TMEM232: variants seen among roughly 807,000 people sequenced by gnomAD.
The protein encoded by TMEM232 is transmembrane protein 232.
TMEM232 carries 80 observed loss-of-function variants against 78.8 expected under a neutral mutation model. The ratio of observed to expected loss-of-function variants is 1.01; its 90% CI spans 0.85 to 1.22. The LOEUF (loss-of-function observed/expected upper bound fraction) is 1.22. Among genes scored for constraint, TMEM232 ranks in the 50% most tolerant of loss-of-function variants. The probability of loss-of-function intolerance (pLI) is 0.00; values close to 1 mark genes in which losing one functional copy is unlikely to be tolerated. For synonymous variants in TMEM232, 297 were observed against 254.3 expected, an observed-to-expected ratio of 1.17 and a Z score of -1.60; for missense variants, 881 against 742.2, an observed-to-expected ratio of 1.19 and a Z score of -2.17.
At chr5:110,700,720 T>C in intron 1 of TMEM232, among the ~76,000 whole-genome samples, 1 of 151,628 alleles carries the variant, frequency 6.6e-6, no homozygotes, top group Non-Finnish European at 1.5e-5. Flanking sequence ...AGTCATAATC[T>C]GGGGGAAGTG....
At chr5:110,551,871 C>T (rs926352990) in intron 11 of TMEM232, among the ~76,000 whole-genome samples, 2 of 151,880 alleles carry the variant, frequency 1.3e-5, no homozygotes, top group African/African-American at 2.4e-5. Context: ...AATATGTCAA[C>T]CTAGAATTCT....
At chr5:110,738,892 A>C, upstream of TMEM232, 2 of 1,126,060 alleles carry the variant, frequency 1.8e-6, no homozygotes, top group Non-Finnish European at 2.4e-6. Context: ...CAAACTTTTA[A>C]GGTCCAGGTT....
upstream of TMEM232, among the ~76,000 whole-genome samples, chr5:110,730,380 G>C (rs549551557): frequency 1.2e-4 from 19 of 152,308 alleles, no homozygotes; most frequent in Middle Eastern, 3.4e-3. Flanking sequence ...CAACTTTCTA[G>C]ATGACAATTT....
intron 1 of TMEM232, among the ~76,000 whole-genome samples, chr5:110,670,657 T>C (rs911013450): frequency 6.6e-6 from 1 of 152,022 alleles, no homozygotes; most frequent in Non-Finnish European, 1.5e-5. Flanking sequence ...CTGAGCTATA[T>C]AGAGGAGTGC....
intron 1 of TMEM232, among the ~76,000 whole-genome samples, chr5:110,687,871 C>T (rs1793622131): frequency 6.6e-6 from 1 of 151,966 alleles, no homozygotes; most frequent in Admixed American, 6.6e-5. Context: ...TAGAAAACAC[C>T]ATTTGGAAAT....
chr5:110,651,706 G>A (rs1788331257), intron 2 of TMEM232, among the ~76,000 whole-genome samples: 1 of 152,012 alleles, frequency 6.6e-6, no homozygotes, highest in African/African-American at 2.4e-5. Flanking sequence ...CAGAAACAGG[G>A]GCACCAGCAG....
chr5:110,529,649 T>C (rs1363097733), intron 11 of TMEM232, among the ~76,000 whole-genome samples: 1 of 152,126 alleles, frequency 6.6e-6, no homozygotes, highest in African/African-American at 2.4e-5. Flanking sequence ...TTTGATTAAA[T>C]TGAATATGTT....
At chr5:110,651,356 T>C (rs1788274411) in intron 2 of TMEM232, among the ~76,000 whole-genome samples, 1 of 150,628 alleles carries the variant, frequency 6.6e-6, no homozygotes, top group Admixed American at 6.6e-5. Flanking sequence ...ACATTTGAGT[T>C]GAAATGAGAA....
At chr5:110,451,172 C>G (rs1760234212) in intron 12 of TMEM232, among the ~76,000 whole-genome samples, 1 of 152,186 alleles carries the variant, frequency 6.6e-6, no homozygotes, top group African/African-American at 2.4e-5. Flanking sequence ...ATCATCTTCT[C>G]TGTTTCCTCA....
chr5:110,472,787 T>G (rs1762822881), intron 12 of TMEM232, among the ~76,000 whole-genome samples: 1 of 151,912 alleles, frequency 6.6e-6, no homozygotes, highest in African/African-American at 2.4e-5. Context: ...TAAGCCAACT[T>G]ATTTTTGCCA....
At chr5:110,422,418 G>C (rs1756749252) in intron 13 of TMEM232, among the ~76,000 whole-genome samples, 2 of 150,316 alleles carry the variant, frequency 1.3e-5, no homozygotes, top group African/African-American at 2.5e-5. Context: ...TACTCGGGAG[G>C]CTGAGGCAGG....
At chr5:110,537,763 A>G (rs1772582172) in intron 11 of TMEM232, among the ~76,000 whole-genome samples, 1 of 152,246 alleles carries the variant, frequency 6.6e-6, no homozygotes, top group Non-Finnish European at 1.5e-5. Context: ...TCCCTTCTCT[A>G]TAACTGATAT....
intron 12 of TMEM232, among the ~76,000 whole-genome samples, chr5:110,437,874 G>T (rs574455615): frequency 1.3e-5 from 2 of 152,216 alleles, no homozygotes; most frequent in East Asian, 3.9e-4. Context: ...CTTGTACCTA[G>T]ATAGGGCCAA....
Position 110,630,270 on chromosome 5 carries a change from A to C in TMEM232, c.502-2390T>G, listed in dbSNP as rs145734020. Reference sequence around the variant, plus strand: ...GAAGACAGCTGACTAGAGACACTGCATACTCATTCTCTCCAGAAAGAAGAA... The same window carrying C: ...GAAGACAGCTGACTAGAGACACTGCCTACTCATTCTCTCCAGAAAGAAGAA... On this transcript the variant is annotated intron_variant, in intron 5 of 13. Coordinates refer to ENST00000455884, the MANE Select transcript of TMEM232 (RefSeq NM_001039763.4). 1.8e-3 allele frequency among the ~76,000 whole-genome samples: 276 copies of C among 152,354 alleles called. 2 individuals are homozygous for C. Among genetic ancestry groups the C allele is most frequent in the African/African-American group, 6.3e-3 (262 of 41,590 alleles).
intron 11 of TMEM232, among the ~76,000 whole-genome samples, chr5:110,539,621 G>A (rs1388503239): frequency 1.3e-5 from 2 of 152,170 alleles, no homozygotes; most frequent in African/African-American, 4.8e-5. Flanking sequence ...AGGTTTTTGG[G>A]ACAGGCCCCC....
At chr5:110,435,679 A>G (rs1003438350) in intron 12 of TMEM232, among the ~76,000 whole-genome samples, 4 of 151,784 alleles carry the variant, frequency 2.6e-5, no homozygotes, top group Non-Finnish European at 4.4e-5. Context: ...TTTGATTTTT[A>G]GATCCCACAA....
At chr5:110,400,023 C>T (rs898249774) in intron 2 of TMEM232, among the ~76,000 whole-genome samples, 13 of 152,106 alleles carry the variant, frequency 8.5e-5, no homozygotes, top group Non-Finnish European at 1.5e-5. Context: ...TCTTAAGTTC[C>T]TGGCATGTAC....
At chr5:110,580,019 T>C (rs900207381) in intron 10 of TMEM232, among the ~76,000 whole-genome samples, 1 of 151,580 alleles carries the variant, frequency 6.6e-6, no homozygotes, top group Non-Finnish European at 1.5e-5. Context: ...GCTATACTTA[T>C]ACAGAAAAAA....
At chr5:110,454,087 G>A (rs1760615590) in intron 12 of TMEM232, among the ~76,000 whole-genome samples, 1 of 152,048 alleles carries the variant, frequency 6.6e-6, no homozygotes, top group South Asian at 2.1e-4. Context: ...ATCCTCTCTT[G>A]GCAATTAATA....
Sources: gnomAD v4.1 joint callset for allele counts (sites outside exome capture counted in the v4.1 genomes callset) on GRCh38, gnomAD v4.1.1 for gene constraint, MANE v1.5 for transcripts, NCBI Gene and HGNC (gene_info 2026-07-23, HGNC 2026-07-21) for gene names.